The following ATP8A2 variants were observed in gnomAD, a reference collection of about 807,000 sequenced individuals.
The protein encoded by ATP8A2 is phospholipid-transporting ATPase IB.
Under a neutral mutation model 165.6 loss-of-function variants are expected in ATP8A2, and 100 were observed. That is an observed-to-expected ratio of 0.60 (90% CI 0.51 to 0.71). The LOEUF is 0.71. ATP8A2 is among the 30% of genes least tolerant of loss of function. The pLI, the probability that ATP8A2 is intolerant of heterozygous loss-of-function variation, is 0.00. For synonymous variants in ATP8A2, 543 were observed against 548.8 expected, an observed-to-expected ratio of 0.99 and a Z score of 0.15; for missense variants, 1,227 against 1,479.5, an observed-to-expected ratio of 0.83 and a Z score of 2.80.
chr13:25,478,722 G>A (rs1455834777), intron 2 of ATP8A2, among the ~76,000 whole-genome samples: 1 of 152,144 alleles, frequency 6.6e-6, no homozygotes, highest in Non-Finnish European at 1.5e-5. Context: ...CCATACGAAA[G>A]GCTTTTGGAG....
At chr13:25,749,371 G>T (rs1181061991) in intron 25 of ATP8A2, among the ~76,000 whole-genome samples, 2 of 152,150 alleles carry the variant, frequency 1.3e-5, no homozygotes, top group Admixed American at 1.3e-4. Context: ...AGAGGACCCC[G>T]CCAGGAAGGA....
At chr13:25,426,895 G>A (rs141066690) in intron 1 of ATP8A2, among the ~76,000 whole-genome samples, 2,255 of 152,282 alleles carry the variant, frequency 0.015, 38 homozygotes, top group Non-Finnish European at 0.02. Flanking sequence ...GCAATGAGCT[G>A]AGATCACTCC....
intron 35 of ATP8A2, among the ~76,000 whole-genome samples, chr13:25,996,385 A>G (rs1473483167): frequency 1.3e-5 from 2 of 152,232 alleles, no homozygotes; most frequent in African/African-American, 4.8e-5. Flanking sequence ...ACTTTAACTC[A>G]TCAAACATAA....
intron 27 of ATP8A2, among the ~76,000 whole-genome samples, chr13:25,810,535 A>C (rs1157182092): frequency 1.3e-5 from 2 of 152,050 alleles, no homozygotes; most frequent in African/African-American, 2.4e-5. Flanking sequence ...GGAAAAAAAA[A>C]ACAAAACACT....
At chr13:25,816,024 TTTAA>T (rs1328427204) in intron 27 of ATP8A2, among the ~76,000 whole-genome samples, 1 of 152,124 alleles carries the variant, frequency 6.6e-6, no homozygotes, top group Non-Finnish European at 1.5e-5. Context: ...AGTTTAATGG[TTTAA>T]TTAATACCAT....
At chr13:25,636,977 C>T (rs1362951339) in intron 24 of ATP8A2, among the ~76,000 whole-genome samples, 2 of 150,432 alleles carry the variant, frequency 1.3e-5, no homozygotes, top group Admixed American at 6.7e-5. Flanking sequence ...GTAGTCTCAG[C>T]TACTCAAGAG....
intron 1 of ATP8A2, among the ~76,000 whole-genome samples, chr13:25,432,916 C>T (rs2034655758): frequency 6.6e-6 from 1 of 152,180 alleles, no homozygotes; most frequent in Non-Finnish European, 1.5e-5. Flanking sequence ...CATGTGTTGT[C>T]TAAAGAGACA....
intron 25 of ATP8A2, among the ~76,000 whole-genome samples, chr13:25,763,983 T>G (rs2044438680): frequency 6.6e-6 from 1 of 152,186 alleles, no homozygotes; most frequent in African/African-American, 2.4e-5. Flanking sequence ...GGTACTGAAG[T>G]TTTTGACTGA....
At position 26,021,105 on chromosome 13, in the gene ATP8A2, T is replaced by A. The variant is rs1957075875; in HGVS notation, c.*1120T>A. The A allele has an allele frequency of 6.6e-6, 1 of 152,248 alleles. No homozygotes were observed. Among genetic ancestry groups the A allele is most frequent in the Non-Finnish European group, 1.5e-5 (1 of 68,066 alleles). 9.4% of individuals were successfully genotyped at this position (152,248 alleles called of 1,614,324 possible). On this transcript the variant is annotated 3_prime_UTR_variant, in exon 37 of 37. Transcript: ENST00000381655. The stretch of plus-strand genomic sequence containing the variant: ...CCTGCACAGCGAAGGAACACACCTG[T>A]CGCTCTTAGCTCTAGAGTCAGAGGA...
chr13:25,507,151 T>C (rs2037069807), intron 2 of ATP8A2, among the ~76,000 whole-genome samples: 1 of 151,656 alleles, frequency 6.6e-6, no homozygotes. Context: ...TAGAACTAAA[T>C]ACATGCCAAT....
At chr13:25,809,242 A>G (rs1388084273) in intron 27 of ATP8A2, among the ~76,000 whole-genome samples, 1 of 152,106 alleles carries the variant, frequency 6.6e-6, no homozygotes, top group African/African-American at 2.4e-5. Flanking sequence ...TGTGTTCACT[A>G]TTTGGGTGAC....
At chr13:25,682,030 G>A (rs767190242) in intron 24 of ATP8A2, among the ~76,000 whole-genome samples, 34 of 152,126 alleles carry the variant, frequency 2.2e-4, no homozygotes, top group Non-Finnish European at 3.8e-4. Flanking sequence ...GAAGAAAAAC[G>A]CGTCAGATAG....
At chr13:25,746,428 TGAAGC>T (rs1419992298) in intron 25 of ATP8A2, among the ~76,000 whole-genome samples, 1 of 152,210 alleles carries the variant, frequency 6.6e-6, no homozygotes, top group Admixed American at 6.5e-5. Flanking sequence ...TTCTGCAGAA[TGAAGC>T]TGATTAAAGA....
intron 33 of ATP8A2, among the ~76,000 whole-genome samples, chr13:25,884,982 C>T (rs1156276823): frequency 2.6e-5 from 4 of 152,152 alleles, no homozygotes; most frequent in Non-Finnish European, 1.5e-5. Context: ...TGTGCCCTTG[C>T]CTGCATGGCC....
At chr13:25,628,376 C>T (rs1219952088) in intron 24 of ATP8A2, among the ~76,000 whole-genome samples, 4 of 152,160 alleles carry the variant, frequency 2.6e-5, no homozygotes, top group Non-Finnish European at 5.9e-5. Flanking sequence ...GAATGTCTCT[C>T]CAAGCCCACA....
At chr13:25,505,077 T>G (rs1167936561) in intron 2 of ATP8A2, among the ~76,000 whole-genome samples, 1 of 152,068 alleles carries the variant, frequency 6.6e-6, no homozygotes, top group Non-Finnish European at 1.5e-5. Flanking sequence ...CCAAAAATAG[T>G]GTATGTGTTG....
chr13:25,708,711 C>A (rs1057257936), intron 25 of ATP8A2, among the ~76,000 whole-genome samples: 4 of 152,212 alleles, frequency 2.6e-5, no homozygotes, highest in Non-Finnish European at 5.9e-5. Flanking sequence ...ATCTAGACTG[C>A]AGTTTCTCTA....
At chr13:25,539,070 T>TGTGC (rs750763249) in intron 7 of ATP8A2, among the ~76,000 whole-genome samples, 1 of 145,902 alleles carries the variant, frequency 6.9e-6, no homozygotes, top group Non-Finnish European at 1.5e-5. Flanking sequence ...AGTGTGTGTG[T>TGTGC]GTGTGTGTGT....
chr13:25,585,750 G>A (rs761601021), intron 23 of ATP8A2, among the ~76,000 whole-genome samples: 3 of 152,150 alleles, frequency 2.0e-5, no homozygotes, highest in Non-Finnish European at 4.4e-5. Flanking sequence ...AAAGGAAGGC[G>A]AGTTGCCATT....
Sources: allele counts gnomAD v4.1 joint callset (sites outside exome capture counted in the v4.1 genomes callset), GRCh38; gene constraint gnomAD v4.1.1; transcripts MANE v1.5; gene names NCBI Gene and HGNC (gene_info 2026-07-23, HGNC 2026-07-21).